The following DLC1 variants were observed in gnomAD, a reference collection of about 807,000 sequenced individuals.
The protein encoded by DLC1 is DLC1 Rho GTPase activating protein.
DLC1 carries 54 observed loss-of-function variants against 140.3 expected under a neutral mutation model. The ratio of observed to expected loss-of-function variants is 0.38; its 90% confidence interval spans 0.31 to 0.48. The LOEUF (loss-of-function observed/expected upper bound fraction) is 0.48, where lower values mean the gene tolerates loss of function less well. DLC1 is among the 20% of genes least tolerant of loss of function. The pLI is 0.96. For missense variants in DLC1, 2,536 were observed against 1,907.0 expected (o/e 1.33, Z -6.14); for synonymous variants, 986 against 728.1 (o/e 1.35, Z -5.70).
At chr8:13,242,817 G>A (rs2117248833) in intron 5 of DLC1, among the ~76,000 whole-genome samples, 1 of 152,184 alleles carries the variant, frequency 6.6e-6, no homozygotes, top group African/African-American at 2.4e-5. Context: ...CAAGGTTATG[G>A]AAAATATTAC....
At chr8:13,329,653 T>G (rs1008716140) in intron 4 of DLC1, among the ~76,000 whole-genome samples, 1 of 152,188 alleles carries the variant, frequency 6.6e-6, no homozygotes, top group African/African-American at 2.4e-5. Context: ...TAGGAAATAT[T>G]TTCACCACTA....
chr8:13,597,437 G>C (rs1400590355), intron 1 of DLC1, among the ~76,000 whole-genome samples: 1 of 151,950 alleles, frequency 6.6e-6, no homozygotes, highest in Admixed American at 6.6e-5. Context: ...ATGTTAAAAT[G>C]CATATTAAAA....
intron 2 of DLC1, among the ~76,000 whole-genome samples, chr8:13,468,857 T>C (rs1800074236): frequency 7.2e-6 from 1 of 139,488 alleles, no homozygotes; most frequent in Admixed American, 7.7e-5. Flanking sequence ...AGTCTCGCTC[T>C]GTTGCCAGGC....
At chr8:13,465,365 G>C (rs1799883530) in intron 2 of DLC1, among the ~76,000 whole-genome samples, 1 of 152,132 alleles carries the variant, frequency 6.6e-6, no homozygotes, top group African/African-American at 2.4e-5. Flanking sequence ...TTGATACCTA[G>C]AATGTATAGG....
At chr8:13,469,190 A>G (rs1019901479) in intron 2 of DLC1, among the ~76,000 whole-genome samples, 3 of 152,122 alleles carry the variant, frequency 2.0e-5, no homozygotes, top group Admixed American at 6.6e-5. Flanking sequence ...AATTGAGTTT[A>G]TATCATTCCT....
At chr8:13,238,996 C>T (rs938554279) in intron 5 of DLC1, among the ~76,000 whole-genome samples, 6 of 152,254 alleles carry the variant, frequency 3.9e-5, no homozygotes, top group African/African-American at 1.4e-4. Flanking sequence ...AAAGCTGAAA[C>T]AAAACTCGGC....
At chr8:13,226,455 G>T (rs1256938635) in intron 5 of DLC1, among the ~76,000 whole-genome samples, 1 of 152,118 alleles carries the variant, frequency 6.6e-6, no homozygotes, top group Non-Finnish European at 1.5e-5. Context: ...TGATATATGG[G>T]CTAAAATTGA....
At chr8:13,220,524 A>G (rs73663649) in intron 5 of DLC1, among the ~76,000 whole-genome samples, 3,802 of 152,242 alleles carry the variant, frequency 0.025, 160 homozygotes, top group African/African-American at 0.086. Flanking sequence ...TTAACTATCA[A>G]TAAGTAAACA....
At chr8:13,092,571 G>C in intron 13 of DLC1, 41 bp downstream of exon 13, 1 of 1,579,920 alleles carries the variant, frequency 6.3e-7, no homozygotes, top group Non-Finnish European at 8.6e-7. Flanking sequence ...GAAGAATGTA[G>C]GCTGCCCCCT....
chr8:13,538,674 T>C lies in DLC1; in HGVS notation c.-125-38478A>G, dbSNP rs1036474723. ...CACTATAGTAGGGTGGGATGAATAT[T>C]CCGGTTTTACAGATGGAGAAACAGA... On this transcript the variant is annotated intron_variant, in intron 1 of 1. Coordinates refer to the DLC1 transcript ENST00000631382. 2.0e-5 allele frequency among the ~76,000 whole-genome samples: 3 copies of C among 152,162 alleles called. No homozygotes were observed. The South Asian group carries it at 6.2e-4, about 31-fold the overall frequency.
intron 5 of DLC1, among the ~76,000 whole-genome samples, chr8:13,118,115 T>A (rs1820733759): frequency 6.6e-6 from 1 of 150,628 alleles, no homozygotes; most frequent in African/African-American, 2.5e-5. Context: ...GCTCAAATGA[T>A]CCTCCCACCT....
At chr8:13,585,052 A>G (rs1244566870) in intron 1 of DLC1, among the ~76,000 whole-genome samples, 1 of 152,224 alleles carries the variant, frequency 6.6e-6, no homozygotes, top group Non-Finnish European at 1.5e-5. Flanking sequence ...TCTAAATACT[A>G]GGAATTTAAG....
intron 1 of DLC1, among the ~76,000 whole-genome samples, chr8:13,503,072 T>C (rs1479647085): frequency 6.6e-6 from 1 of 152,234 alleles, no homozygotes; most frequent in Non-Finnish European, 1.5e-5. Context: ...TACCATGCCT[T>C]AACGTAAGAG....
At chr8:13,400,107 G>A (rs958506687) in intron 3 of DLC1, among the ~76,000 whole-genome samples, 1 of 152,052 alleles carries the variant, frequency 6.6e-6, no homozygotes, top group Non-Finnish European at 1.5e-5. Context: ...TAAATTCCAA[G>A]GAACATAAAT....
chr8:13,457,425 T>A (rs1237663427), intron 2 of DLC1, among the ~76,000 whole-genome samples: 1 of 151,972 alleles, frequency 6.6e-6, no homozygotes, highest in Admixed American at 6.6e-5. Flanking sequence ...ATGCCTGTAA[T>A]CCCAGCACTT....
At chr8:13,170,872 G>T (rs78422977) in intron 5 of DLC1, among the ~76,000 whole-genome samples, 1 of 152,104 alleles carries the variant, frequency 6.6e-6, no homozygotes, top group Non-Finnish European at 1.5e-5. Flanking sequence ...GTTCTCAGTC[G>T]TGGGCTTTTA....
At position 13,499,395 on chromosome 8, in the gene DLC1, A is replaced by G. The variant is rs778986683; in HGVS notation, c.677T>C (p.Leu226Pro). Residue 226 changes from leucine to proline, a missense_variant, in exon 2 of 18, where the codon CTT (leucine) becomes CCT (proline). Coordinates refer to ENST00000276297, the MANE Select transcript of DLC1 (RefSeq NM_182643.3). ...TTGCTGAGCAATTACAGCAGAGTTA[A>G]GCAATTGTTTCTCAGGTGCAATATC... ...VKDIAPEKQL[L>P]NSAVIAQQRR... 56 of 1,613,706 alleles carry G rather than the reference A, an allele frequency of 3.5e-5. No homozygotes were observed. Among genetic ancestry groups the G allele is most frequent in the Admixed American group, 2.5e-4 (15 of 59,906 alleles).
rs141028457 is a variant in DLC1 at position 13,099,506 on chromosome 8, G to C, written c.2831C>G (p.Pro944Arg). 4.3e-6 allele frequency: 7 copies of C among 1,614,016 alleles called. No individual in the cohort carries two copies. In the Admixed American group the frequency reaches 5.0e-5, roughly 12 times the overall value. Residue 944 changes from proline (P) to arginine (R), a missense_variant, in exon 9 of 18, where the codon CCG becomes CGG. Physicochemically the swap from Pro to Arg is moderately radical, Grantham distance 103. Coordinates refer to ENST00000276297, the MANE Select transcript of DLC1 (RefSeq NM_182643.3). ...CAGGTGTATCTGTTTTGGAGAGGAC[G>C]GGCAGGGAGAGACCGAGTCCAGGGC... ...DSALDSVSPC[P>R]SSPKQIHLDV...
chr8:13,484,800 A>T (rs148339087), intron 2 of DLC1, among the ~76,000 whole-genome samples: 16 of 152,040 alleles, frequency 1.1e-4, no homozygotes, highest in Admixed American at 1.3e-4. Flanking sequence ...ATATATACAG[A>T]AAAAGTCCAT....
Sources: gnomAD v4.1 joint callset for allele counts (sites outside exome capture counted in the v4.1 genomes callset) on GRCh38, gnomAD v4.1.1 for gene constraint, MANE v1.5 for transcripts, NCBI Gene and HGNC (gene_info 2026-07-23, HGNC 2026-07-21) for gene names.